Variants in NF1 observed in about 807,000 individuals in gnomAD.
The protein encoded by NF1 is neurofibromin.
In NF1, 122 loss-of-function variants were observed where a neutral mutation model predicts 325.7. That is an observed-to-expected ratio of 0.37 (90% CI 0.32 to 0.44). The LOEUF (loss-of-function observed/expected upper bound fraction) is 0.44, where lower values mean the gene tolerates loss of function less well. Among genes scored for constraint, NF1 ranks in the 20% least tolerant of loss-of-function variants. The pLI is 1.00. For synonymous variants in NF1, 1,091 were observed against 1,186.0 expected (o/e 0.92, Z 1.65); for missense variants, 2,140 against 3,415.4 (o/e 0.63, Z 9.31).
chr17:31,356,560 A>G lies in NF1; in HGVS notation c.7716A>G (p.Val2572=), dbSNP rs772396852. Reference sequence around the variant, plus strand: ...CAACACCCCCCAAAATGAGGAGAGTAGCAGAAACTGATTATGAAATGGGTG... The same window carrying G: ...CAACACCCCCCAAAATGAGGAGAGTGGCAGAAACTGATTATGAAATGGGTG... The part of the protein sequence containing the change: ...GITTPPKMRR[V]AETDYEMETQ... The change falls in exon 52 of 58, where the codon GTA becomes GTG. Residue 2572 remains valine, a synonymous_variant. Transcript: ENST00000358273. The G allele has an allele frequency of 1.9e-6, 3 of 1,613,842 alleles. No homozygotes were observed. In the South Asian group the frequency reaches 3.3e-5, roughly 18 times the overall value.
At chr17:31,258,902 G>A (rs912823469) in intron 32 of NF1, 130 bp from the exon 33 acceptor site, 4 of 599,382 alleles carry the variant, frequency 6.7e-6, no homozygotes, top group South Asian at 2.4e-5. Flanking sequence ...ATAGAATGAG[G>A]AATGTTTGAT....
In NF1 at chr17:31,233,095, C is replaced by G. The variant is rs370820478; in HGVS notation, c.3590C>G (p.Ala1197Gly). Reference protein sequence around the residue: ...LQQGTEFDTLAETVLADRFER... With the variant: ...LQQGTEFDTLGETVLADRFER... ...CAAGGCACAGAATTTGACACACTTG[C>G]AGAAACAGTATTGGCTGATCGGTTT... The change falls in exon 27 of 58, where the codon GCA becomes GGA. Residue 1197 changes from alanine to glycine, a missense_variant. Ala to Gly is a moderately conservative substitution (Grantham distance 60). Around this residue, in one of 10 missense-constraint regions of NF1, gnomAD observed 336 missense variants for 399.0 expected, o/e 0.84. Transcript: ENST00000358273. The G allele has an allele frequency of 1.9e-6, 3 of 1,614,020 alleles. No individual in the cohort carries two copies. The highest frequency in any genetic ancestry group is 1.1e-5 in the South Asian group (1 of 91,082).
At chr17:31,144,146 C>G (rs1916426125) in intron 1 of NF1, among the ~76,000 whole-genome samples, 1 of 152,062 alleles carries the variant, frequency 6.6e-6, no homozygotes, top group African/African-American at 2.4e-5. Flanking sequence ...TCAAAAATTT[C>G]TTTGGTATTC....
At chr17:31,193,798 A>G (rs1366140567) in intron 8 of NF1, among the ~76,000 whole-genome samples, 2 of 152,206 alleles carry the variant, frequency 1.3e-5, no homozygotes, top group Non-Finnish European at 2.9e-5. Context: ...GCTCAACATC[A>G]CTAGTCATCA....
At chr17:31,247,653 CAG>C (rs2067419214) in intron 29 of NF1, among the ~76,000 whole-genome samples, 1 of 152,082 alleles carries the variant, frequency 6.6e-6, no homozygotes, top group Non-Finnish European at 1.5e-5. Flanking sequence ...CTCAATAACT[CAG>C]AAATTTCATT....
chr17:31,261,217 T>C (rs1323520751), intron 34 of NF1, among the ~76,000 whole-genome samples: 1 of 150,768 alleles, frequency 6.6e-6, no homozygotes, highest in Non-Finnish European at 1.5e-5. Flanking sequence ...TACTCCAGCC[T>C]GGGCCACAAG....
At chr17:31,334,134 A>T (rs1259875766) in intron 39 of NF1, among the ~76,000 whole-genome samples, 1 of 152,008 alleles carries the variant, frequency 6.6e-6, no homozygotes, top group Non-Finnish European at 1.5e-5. Context: ...AAAATATGAA[A>T]AAAAATTTGC....
At chr17:31,128,841 A>G (rs951579808) in intron 1 of NF1, among the ~76,000 whole-genome samples, 1 of 151,950 alleles carries the variant, frequency 6.6e-6, no homozygotes, top group Non-Finnish European at 1.5e-5. Flanking sequence ...AGAATGGCGT[A>G]AGTAAACCCG....
chr17:31,327,485 C>T lies in NF1; in HGVS notation c.5269-14C>T, dbSNP rs753463683. ...AATTCTTCTCCACTTCACCCCGTCA[C>T]CACCACTTTCCAGGTTGGTTCTACT... On this transcript the variant is annotated splice_polypyrimidine_tract_variant and intron_variant, in intron 37 of 57. Coordinates refer to ENST00000358273, the MANE Select transcript of NF1 (RefSeq NM_001042492.3). 6 of 1,605,552 alleles carry T rather than the reference C, an allele frequency of 3.7e-6. No homozygotes were observed. The highest frequency in any genetic ancestry group is 1.1e-5 in the South Asian group (1 of 90,966).
At chr17:31,269,927 C>G (rs983511521) in intron 36 of NF1, among the ~76,000 whole-genome samples, 1 of 152,130 alleles carries the variant, frequency 6.6e-6, no homozygotes, top group African/African-American at 2.4e-5. Context: ...GTAAAGCCAG[C>G]CCTATCCAAA....
At chr17:31,351,116 T>C (rs566065866) in intron 50 of NF1, among the ~76,000 whole-genome samples, 6 of 152,192 alleles carry the variant, frequency 3.9e-5, no homozygotes, top group East Asian at 1.9e-4. Context: ...CTTTTTGTTA[T>C]AGAAAGGGTA....
chr17:31,357,395 T>G (rs1348082799), intron 54 of NF1, 26 bp downstream of exon 54: 2 of 1,558,754 alleles, frequency 1.3e-6, no homozygotes, highest in African/African-American at 2.7e-5. Flanking sequence ...TGATTTTAAT[T>G]CACCTTCGTG....
rs587782592 is a variant in NF1 at position 31,223,523 on chromosome 17, C to T, written c.1801C>T (p.Arg601Trp). 11 of 1,612,338 alleles carry T rather than the reference C, an allele frequency of 6.8e-6. No individual in the cohort carries two copies. Among genetic ancestry groups the T allele is most frequent in the South Asian group, 1.1e-5 (1 of 91,050 alleles). ...TAGCACAGAAATTCTCAAGTGGTTG[C>T]GGGAAATATTGATCTGCAGGAATAA... Reference protein sequence around the residue: ...LSSTEILKWLREILICRNKFL... With the variant: ...LSSTEILKWLWEILICRNKFL... The change falls in exon 16 of 58, where the codon CGG (arginine) becomes TGG (tryptophan). Residue 601 changes from arginine (R) to tryptophan (W), a missense_variant. By Grantham distance (101) the Arg-to-Trp change is moderately radical (BLOSUM62 -3). Coordinates refer to ENST00000358273, the MANE Select transcript of NF1 (RefSeq NM_001042492.3).
At chr17:31,318,533 T>C in intron 36 of NF1, 2 of 1,614,102 alleles carry the variant, frequency 1.2e-6, no homozygotes, top group African/African-American at 1.3e-5. Context: ...GAGACTTTGT[T>C]TGCCAAAACC....
chr17:31,374,567 A>T lies in NF1; in HGVS notation c.*412A>T. The T allele has an allele frequency of 2.9e-6, 1 of 342,292 alleles. No homozygotes were observed. Among genetic ancestry groups the T allele is most frequent in the Non-Finnish European group, 5.5e-6 (1 of 182,184 alleles). The allele number at this position is 342,292 out of a possible 1,614,324, so 21.2% of individuals were successfully genotyped here. On this transcript the variant is annotated 3_prime_UTR_variant, in exon 58 of 58. Transcript: ENST00000358273. The stretch of plus-strand genomic sequence containing the variant: ...TCTTCATCCTACAGAGTAAAGTGTT[A>T]GTCCTATTTATACATTTTTCAAGAT...
At chr17:31,218,606 C>G (rs2066865062) in intron 13 of NF1, among the ~76,000 whole-genome samples, 1 of 151,468 alleles carries the variant, frequency 6.6e-6, no homozygotes, top group South Asian at 2.1e-4. Flanking sequence ...GAGTCTCGCT[C>G]TGCCACCCAG....
At chr17:31,273,513 C>CAT (rs1167118157) in intron 36 of NF1, 2 of 152,176 alleles carry the variant, frequency 1.3e-5, no homozygotes, top group Non-Finnish European at 2.9e-5. Context: ...AGAACTCTAA[C>CAT]ATATATATTA....
At chr17:31,299,551 T>A (rs2068533010) in intron 36 of NF1, 3 of 152,156 alleles carry the variant, frequency 2.0e-5, no homozygotes, top group Non-Finnish European at 2.9e-5. Flanking sequence ...ACAAAGCATC[T>A]GCCAAGGAAT....
intron 36 of NF1, among the ~76,000 whole-genome samples, chr17:31,308,290 A>C (rs550128766): frequency 9.7e-4 from 147 of 151,932 alleles, no homozygotes; most frequent in Non-Finnish European, 1.9e-3. Flanking sequence ...GTAGGCATAC[A>C]CTACCACACC....
Sources: allele counts gnomAD v4.1 joint callset (sites outside exome capture counted in the v4.1 genomes callset), GRCh38; gene constraint gnomAD v4.1.1; regional missense constraint gnomAD v4.1.1; transcripts MANE v1.5; gene names NCBI Gene and HGNC (gene_info 2026-07-23, HGNC 2026-07-21).